Variants in TENM4 observed in about 807,000 individuals in gnomAD.
TENM4 encodes teneurin transmembrane protein 4.
TENM4 carries 82 observed loss-of-function variants against 243.3 expected under a neutral mutation model. The observed-to-expected ratio is 0.34, with a 90% CI of 0.28 to 0.40. The LOEUF (loss-of-function observed/expected upper bound fraction) is 0.40. Ranked by LOEUF, TENM4 falls within the 10% of genes least tolerant of loss-of-function variation. The pLI is 1.00. For missense variants in TENM4, 3,138 were observed against 3,673.3 expected, an observed-to-expected ratio of 0.85 and a Z score of 3.77; for synonymous variants, 1,412 against 1,456.3, an observed-to-expected ratio of 0.97 and a Z score of 0.69.
At chr11:78,934,253 G>A (rs79539147) in intron 6 of TENM4, among the ~76,000 whole-genome samples, 1 of 152,090 alleles carries the variant, frequency 6.6e-6, no homozygotes, top group Non-Finnish European at 1.5e-5. Flanking sequence ...CCCAATCCTA[G>A]AGAATCAGAG....
chr11:78,868,320 G>C (rs991966146), intron 9 of TENM4, among the ~76,000 whole-genome samples: 1 of 152,130 alleles, frequency 6.6e-6, no homozygotes, highest in African/African-American at 2.4e-5. Context: ...TAAGTAACTT[G>C]ATACTGGTTT....
chr11:78,974,690 CTTTTTCTTTTCTTTCTG>C (rs1334400031), intron 6 of TENM4, among the ~76,000 whole-genome samples: 4 of 149,532 alleles, frequency 2.7e-5, no homozygotes, highest in African/African-American at 1.0e-4. Flanking sequence ...CCCTTTCTTT[CTTTTTCTTTTCTTTCTG>C]TTTTTCTTTT....
intron 4 of TENM4, among the ~76,000 whole-genome samples, chr11:79,119,751 C>G (rs1861702260): frequency 6.6e-6 from 1 of 152,188 alleles, no homozygotes; most frequent in African/African-American, 2.4e-5. Flanking sequence ...TCTTCACACC[C>G]TGAGACTGGC....
At chr11:79,290,283 T>C (rs570068266) in intron 2 of TENM4, among the ~76,000 whole-genome samples, 37 of 152,264 alleles carry the variant, frequency 2.4e-4, no homozygotes, top group Non-Finnish European at 8.8e-5. Context: ...TATGTGCTAA[T>C]AACTCTCATT....
intron 3 of TENM4, among the ~76,000 whole-genome samples, chr11:79,203,291 A>T (rs1330085067): frequency 6.6e-6 from 1 of 152,246 alleles, no homozygotes; most frequent in Non-Finnish European, 1.5e-5. Context: ...AAGAGAAATG[A>T]AAACATATCC....
chr11:78,903,235 T>G (rs761106939), intron 7 of TENM4, 33 bp downstream of exon 7: 3 of 1,476,726 alleles, frequency 2.0e-6, no homozygotes, highest in Non-Finnish European at 2.7e-6. Flanking sequence ...GTGCCCACCC[T>G]CCTCAGCCTC....
intron 13 of TENM4, among the ~76,000 whole-genome samples, chr11:78,812,970 A>G (rs1266526269): frequency 6.6e-6 from 1 of 152,218 alleles, no homozygotes; most frequent in East Asian, 1.9e-4. Flanking sequence ...AGTACTTACC[A>G]GTCTTATCAA....
chr11:79,403,734 A>G (rs1022138187), intron 1 of TENM4, among the ~76,000 whole-genome samples: 1 of 152,178 alleles, frequency 6.6e-6, no homozygotes, highest in Admixed American at 6.5e-5. Context: ...CACATGAAGA[A>G]TCTGAGTCAG....
At chr11:79,395,052 G>C (rs1385909898) in intron 1 of TENM4, among the ~76,000 whole-genome samples, 1 of 152,198 alleles carries the variant, frequency 6.6e-6, no homozygotes, top group Non-Finnish European at 1.5e-5. Flanking sequence ...ATAAATTTCT[G>C]TTGTTTTAAA....
At chr11:78,781,567 T>C (rs535165235) in intron 16 of TENM4, among the ~76,000 whole-genome samples, 3 of 152,270 alleles carry the variant, frequency 2.0e-5, no homozygotes, top group African/African-American at 7.2e-5. Flanking sequence ...CAACAGAGGT[T>C]TCCAAAAGTT....
intron 3 of TENM4, among the ~76,000 whole-genome samples, chr11:79,174,416 A>G (rs1485180464): frequency 6.6e-6 from 1 of 151,602 alleles, no homozygotes; most frequent in East Asian, 1.9e-4. Context: ...TCTTCAACCC[A>G]TTCTTCCCTT....
At chr11:79,164,193 T>TAC (rs1444110164) in intron 3 of TENM4, among the ~76,000 whole-genome samples, 1 of 124,746 alleles carries the variant, frequency 8.0e-6, no homozygotes, top group East Asian at 2.2e-4. Context: ...TGTATATATA[T>TAC]ACTATATATA....
chr11:79,325,816 C>T (rs1856966368), intron 1 of TENM4, among the ~76,000 whole-genome samples: 1 of 152,174 alleles, frequency 6.6e-6, no homozygotes, highest in Non-Finnish European at 1.5e-5. Flanking sequence ...CAAATGGCTC[C>T]TTAACCCCAG....
At chr11:79,385,993 T>C (rs1858104298) in intron 1 of TENM4, among the ~76,000 whole-genome samples, 1 of 152,214 alleles carries the variant, frequency 6.6e-6, no homozygotes, top group Admixed American at 6.5e-5. Context: ...CATCCTTAGA[T>C]TGTTCCAAAA....
chr11:79,125,563 G>C (rs951109280), intron 4 of TENM4, among the ~76,000 whole-genome samples: 2 of 152,146 alleles, frequency 1.3e-5, no homozygotes, highest in Non-Finnish European at 2.9e-5. Flanking sequence ...CTTGGAATGG[G>C]GGGTGTGTGG....
At chr11:79,107,076 A>G (rs1041924895) in intron 4 of TENM4, among the ~76,000 whole-genome samples, 5 of 152,088 alleles carry the variant, frequency 3.3e-5, no homozygotes, top group Non-Finnish European at 4.4e-5. Flanking sequence ...TCTTTCTATC[A>G]TCCCCATTTT....
At chr11:79,437,111 T>C (rs1859286776) in intron 1 of TENM4, among the ~76,000 whole-genome samples, 1 of 152,306 alleles carries the variant, frequency 6.6e-6, no homozygotes, top group African/African-American at 2.4e-5. Flanking sequence ...TTCCACTAAG[T>C]GGAAGGGCTT....
At chr11:79,183,142 A>T (rs1293551330) in intron 3 of TENM4, among the ~76,000 whole-genome samples, 1 of 152,218 alleles carries the variant, frequency 6.6e-6, no homozygotes, top group Non-Finnish European at 1.5e-5. Flanking sequence ...AATTGCCAAA[A>T]CTTGGAAGCA....
At chr11:78,729,690 C>G in intron 21 of TENM4, 47 bp from the exon 22 acceptor site, 2 of 1,553,262 alleles carry the variant, frequency 1.3e-6, no homozygotes, top group Non-Finnish European at 1.7e-6. Context: ...GTCGACTCAC[C>G]GAGTGGAGGG....
Sources: allele counts gnomAD v4.1 joint callset (sites outside exome capture counted in the v4.1 genomes callset), GRCh38; gene constraint gnomAD v4.1.1; transcripts MANE v1.5; gene names NCBI Gene and HGNC (gene_info 2026-07-23, HGNC 2026-07-21).